Variants in THAP5 observed in about 807,000 individuals in gnomAD.
THAP5 encodes the protein THAP domain containing 5.
In THAP5, 26 loss-of-function variants were observed where a neutral mutation model predicts 34.0. That is an observed-to-expected ratio of 0.77 (90% CI 0.56 to 1.06). The LOEUF is 1.06. Ranked by LOEUF, THAP5 falls within the 50% of genes least tolerant of loss-of-function variation. The pLI is 0.00. For missense variants in THAP5, 394 were observed against 452.8 expected (o/e 0.87, Z 1.18); for synonymous variants, 125 against 153.0 (o/e 0.82, Z 1.35).
Position 108,564,431 on chromosome 7 carries a change from TTC to T in THAP5, c.946_947del (p.Glu316SerfsTer15), listed in dbSNP as rs1790436973. The T allele has an allele frequency of 1.5e-5, 24 of 1,613,932 alleles. No homozygotes were observed. The highest frequency in any genetic ancestry group is 2.0e-5 in the Non-Finnish European group (24 of 1,179,910). On this transcript the variant is annotated frameshift_variant, in exon 3 of 3. Transcript: ENST00000415914. LOFTEE classifies it high-confidence loss of function. ...SLYKDVDYGT[E>X]VLQIEHSYCR... ...AGTAAGAATGTTCGATTTGTAAAAC[TTC>T]TGTCCCATAGTCTACATCCTTATAC...
At chr7:108,550,785 G>C (rs1864348421), downstream of THAP5, among the ~76,000 whole-genome samples, 2 of 152,118 alleles carry the variant, frequency 1.3e-5, no homozygotes, top group South Asian at 4.1e-4. Context: ...TAGCAATAAG[G>C]CTCACCCTAA....
downstream of THAP5, among the ~76,000 whole-genome samples, chr7:108,552,236 G>A (rs1240030400): frequency 3.3e-5 from 5 of 152,076 alleles, no homozygotes; most frequent in African/African-American, 9.7e-5. Flanking sequence ...GGTGACTACC[G>A]CTTCTTAATA....
downstream of THAP5, among the ~76,000 whole-genome samples, chr7:108,561,499 G>A (rs1864430781): frequency 6.7e-6 from 1 of 148,714 alleles, no homozygotes; most frequent in South Asian, 2.1e-4. Context: ...TAACTCCAAA[G>A]TTCAAGCAAT....
chr7:108,558,411 A>ATG (rs1864402926), downstream of THAP5, among the ~76,000 whole-genome samples: 1 of 138,248 alleles, frequency 7.2e-6, no homozygotes, highest in South Asian at 2.2e-4. Flanking sequence ...ATATATATAT[A>ATG]TATTTAGACA....
the THAP5 span, among the ~76,000 whole-genome samples, chr7:108,548,079 A>G: frequency 3.3e-5 from 5 of 152,254 alleles, no homozygotes; most frequent in African/African-American, 9.6e-5. Context: ...GGTACTGGTT[A>G]TAACATGCCA....
At chr7:108,557,330 A>G (rs1864393306), downstream of THAP5, among the ~76,000 whole-genome samples, 1 of 152,204 alleles carries the variant, frequency 6.6e-6, no homozygotes, top group Non-Finnish European at 1.5e-5. Flanking sequence ...CCAGGCTGCA[A>G]ATTTTCCCAA....
chr7:108,561,656 G>C (rs1864432310), downstream of THAP5, among the ~76,000 whole-genome samples: 1 of 152,118 alleles, frequency 6.6e-6, no homozygotes, highest in East Asian at 1.9e-4. Flanking sequence ...GGCAGGAAAG[G>C]AAGGGAGGAG....
chr7:108,564,944 T>G lies in THAP5; in HGVS notation c.435A>C (p.Ser145=). ...VPHQHPELLH[S]SSLVKPPAPK... ...GAGCTGGTGGCTTTACCAAGGAAGATGAATGAAGTAATTCTGGATGTTGAT... is the reference window on the plus strand; with the variant it reads ...GAGCTGGTGGCTTTACCAAGGAAGAGGAATGAAGTAATTCTGGATGTTGAT... The change falls in exon 3 of 3, where the codon TCA becomes TCC. Residue 145 remains serine, a synonymous_variant. Coordinates refer to ENST00000415914, the MANE Select transcript of THAP5 (RefSeq NM_001130475.3). The G allele has an allele frequency of 6.4e-7, 1 of 1,564,400 alleles. No homozygotes were observed. Among genetic ancestry groups the G allele is most frequent in the African/African-American group, 1.4e-5 (1 of 73,948 alleles).
At chr7:108,550,469 A>ATT (rs34265124), downstream of THAP5, among the ~76,000 whole-genome samples, 657 of 151,280 alleles carry the variant, frequency 4.3e-3, 5 homozygotes, top group Non-Finnish European at 7.3e-3. Context: ...TCTTTGCTCC[A>ATT]TTTTTTTTTC....
At position 108,564,079 on chromosome 7, in the gene THAP5, T is replaced by G. The variant is rs1790420638; in HGVS notation, c.*112A>C. 1 of 848,736 alleles carries G rather than the reference T, an allele frequency of 1.2e-6. No individual in the cohort carries two copies. The highest frequency in any genetic ancestry group is 1.7e-5 in the African/African-American group (1 of 58,672). 52.6% of individuals were successfully genotyped at this position (848,736 alleles called of 1,614,324 possible). A position where few individuals can be genotyped will look rare whatever the true frequency, so the allele number is the denominator to read the frequency against. ...TACAGTTCATAACTTTACAACACTC[T>G]CATAGGTTCATTAAGATGAGAACTT... On this transcript the variant is annotated 3_prime_UTR_variant, in exon 3 of 3. Coordinates refer to ENST00000415914, the MANE Select transcript of THAP5 (RefSeq NM_001130475.3).
At chr7:108,543,678 T>C in the THAP5 span, among the ~76,000 whole-genome samples, 1 of 152,196 alleles carries the variant, frequency 6.6e-6, no homozygotes, top group Non-Finnish European at 1.5e-5. Flanking sequence ...TCTCCCAGTA[T>C]TTTTTATTGC....
intron 2 of THAP5, chr7:108,565,335 G>A: frequency 3.1e-6 from 1 of 324,754 alleles, no homozygotes; most frequent in Non-Finnish European, 5.5e-6. Flanking sequence ...GGGAGGCCAA[G>A]GCAGGCAGAT....
downstream of THAP5, among the ~76,000 whole-genome samples, chr7:108,558,816 A>G (rs1343209041): frequency 1.3e-5 from 2 of 152,200 alleles, no homozygotes; most frequent in Non-Finnish European, 2.9e-5. Context: ...CATGAAATAC[A>G]AAGTAGTTTT....
the THAP5 span, among the ~76,000 whole-genome samples, chr7:108,544,649 AATT>A: frequency 1.7e-4 from 26 of 151,200 alleles, no homozygotes; most frequent in Non-Finnish European, 3.0e-4. Flanking sequence ...ATTCTTTAGT[AATT>A]AATTAATTAA....
At chr7:108,549,103 C>CACACACAG in the THAP5 span, among the ~76,000 whole-genome samples, 1 of 149,366 alleles carries the variant, frequency 6.7e-6, no homozygotes, top group African/African-American at 2.5e-5. Flanking sequence ...CACACACACA[C>CACACACAG]ACACACACAC....
Position 108,564,547 on chromosome 7 carries a change from C to A in THAP5, c.832G>T (p.Ala278Ser). 2 of 1,613,706 alleles carry A rather than the reference C, an allele frequency of 1.2e-6. No individual in the cohort carries two copies. Among genetic ancestry groups the A allele is most frequent in the Non-Finnish European group, 1.7e-6 (2 of 1,179,852 alleles). Residue 278 changes from alanine (A) to serine (S), a missense_variant, in exon 3 of 3, where the codon GCT (alanine) becomes TCT (serine). Ala to Ser is a moderately conservative substitution (Grantham distance 99). Transcript: ENST00000415914. Reference sequence around the variant, plus strand: ...TTAACTGAGGGTTTAGAATTTTCAGCAGGTACAAAAATGGCAATAACAGAT... The same window carrying A: ...TTAACTGAGGGTTTAGAATTTTCAGAAGGTACAAAAATGGCAATAACAGAT... The part of the protein sequence containing the change: ...KESVIAIFVP[A>S]ENSKPSVNSF...
chr7:108,565,567 C>CAA, intron 2 of THAP5: 4 of 242,958 alleles, frequency 1.6e-5, no homozygotes, highest in Non-Finnish European at 1.6e-5. Flanking sequence ...GACCTTGTCT[C>CAA]AAACAAAAAA....
At chr7:108,554,046 A>C (rs1864370348), downstream of THAP5, among the ~76,000 whole-genome samples, 1 of 152,244 alleles carries the variant, frequency 6.6e-6, no homozygotes, top group South Asian at 2.1e-4. Context: ...TCATTATAAA[A>C]GGGTGAGTTT....
At chr7:108,567,579 C>G (rs535130586) in intron 1 of THAP5, among the ~76,000 whole-genome samples, 1 of 152,008 alleles carries the variant, frequency 6.6e-6, no homozygotes, top group East Asian at 1.9e-4. Context: ...TAAATTATGT[C>G]TTTATATTGG....
Sources: allele counts gnomAD v4.1 joint callset (sites outside exome capture counted in the v4.1 genomes callset), GRCh38; gene constraint gnomAD v4.1.1; transcripts MANE v1.5; gene names NCBI Gene and HGNC (gene_info 2026-07-23, HGNC 2026-07-21).